Variants in ANGPT1 observed in about 807,000 individuals in gnomAD.
ANGPT1 encodes the protein angiopoietin 1, also known as angiopoietin-1.
Under a neutral mutation model 62.2 loss-of-function variants are expected in ANGPT1, and 17 were observed. The ratio of observed to expected loss-of-function variants is 0.27; its 90% CI spans 0.19 to 0.41. ANGPT1 has a LOEUF of 0.41. Ranked by LOEUF, ANGPT1 falls within the 10% of genes least tolerant of loss-of-function variation. The pLI is 1.00. For missense variants in ANGPT1, 478 were observed against 594.9 expected, an observed-to-expected ratio of 0.80 and a Z score of 2.04; for synonymous variants, 199 against 198.9, an observed-to-expected ratio of 1.00 and a Z score of 0.00.
intron 8 of ANGPT1, among the ~76,000 whole-genome samples, chr8:107,263,144 C>G (rs574427424): frequency 1.3e-5 from 2 of 151,704 alleles, no homozygotes; most frequent in Non-Finnish European, 2.9e-5. Flanking sequence ...ACTTGAGGTC[C>G]GGAGTTCAAG....
At chr8:107,415,113 C>G (rs74928380) in intron 1 of ANGPT1, among the ~76,000 whole-genome samples, 1 of 152,072 alleles carries the variant, frequency 6.6e-6, no homozygotes, top group African/African-American at 2.4e-5. Flanking sequence ...AAAACCAACA[C>G]GATTTAAAGA....
chr8:107,329,261 A>G (rs1414988151), intron 3 of ANGPT1, among the ~76,000 whole-genome samples: 1 of 152,036 alleles, frequency 6.6e-6, no homozygotes, highest in African/African-American at 2.4e-5. Flanking sequence ...CTTAATGATG[A>G]TTCTCTGCTA....
chr8:107,473,371 A>G (rs1042076364), intron 1 of ANGPT1, among the ~76,000 whole-genome samples: 4 of 152,040 alleles, frequency 2.6e-5, no homozygotes, highest in Non-Finnish European at 5.9e-5. Flanking sequence ...GATGAAAAGC[A>G]TTTCACAGTT....
At chr8:107,299,653 C>A (rs111205779) in intron 5 of ANGPT1, among the ~76,000 whole-genome samples, 2 of 133,210 alleles carry the variant, frequency 1.5e-5, no homozygotes, top group African/African-American at 2.7e-5. Flanking sequence ...ATATAAATAT[C>A]TATATATAGA....
chr8:107,494,712 T>C (rs1057472274), intron 1 of ANGPT1: 4 of 152,196 alleles, frequency 2.6e-5, no homozygotes, highest in Non-Finnish European at 4.4e-5. Flanking sequence ...TCCTGTTCAG[T>C]TGCAAGACCA....
intron 3 of ANGPT1, among the ~76,000 whole-genome samples, chr8:107,331,929 A>C (rs1039333367): frequency 6.6e-6 from 1 of 152,176 alleles, no homozygotes; most frequent in African/African-American, 2.4e-5. Context: ...CTGGTGAGAC[A>C]GAAGGGCTCC....
intron 1 of ANGPT1, among the ~76,000 whole-genome samples, chr8:107,348,238 CTA>C (rs1220419251): frequency 2.6e-5 from 4 of 152,164 alleles, no homozygotes; most frequent in Admixed American, 6.5e-5. Context: ...TCATTAACAG[CTA>C]TGTGATTTTT....
chr8:107,359,570 T>A (rs1389999002), intron 1 of ANGPT1, among the ~76,000 whole-genome samples: 1 of 152,180 alleles, frequency 6.6e-6, no homozygotes, highest in East Asian at 1.9e-4. Context: ...CTCCCCCAAC[T>A]TCCTAGCAGC....
At chr8:107,299,742 TATATATCTA>T in intron 5 of ANGPT1, among the ~76,000 whole-genome samples, 1 of 126,800 alleles carries the variant, frequency 7.9e-6, no homozygotes, top group Non-Finnish European at 1.6e-5. Context: ...CTAGATATAC[TATATATCTA>T]GATATGTAGT....
At chr8:107,443,563 C>T (rs936388063) in intron 1 of ANGPT1, among the ~76,000 whole-genome samples, 2 of 151,584 alleles carry the variant, frequency 1.3e-5, no homozygotes, top group African/African-American at 4.9e-5. Flanking sequence ...AATCCCAGCA[C>T]TTTGGGAGGC....
chr8:107,447,612 A>T (rs1206944889), intron 1 of ANGPT1, among the ~76,000 whole-genome samples: 1 of 152,200 alleles, frequency 6.6e-6, no homozygotes, highest in Non-Finnish European at 1.5e-5. Context: ...TCTTGGTAAG[A>T]CATTCTCACA....
At chr8:107,291,426 G>GTTTTA (rs1454993360) in intron 6 of ANGPT1, among the ~76,000 whole-genome samples, 2 of 151,896 alleles carry the variant, frequency 1.3e-5, no homozygotes, top group African/African-American at 2.4e-5. Flanking sequence ...GTTTTGTTTT[G>GTTTTA]TTTTTAGACA....
chr8:107,285,788 G>C (rs932258976), intron 6 of ANGPT1, among the ~76,000 whole-genome samples: 2 of 151,622 alleles, frequency 1.3e-5, no homozygotes, highest in African/African-American at 4.8e-5. Context: ...AATACTCATT[G>C]GCAGTGCTTG....
chr8:107,344,746 A>G (rs1220697121), intron 2 of ANGPT1, among the ~76,000 whole-genome samples: 2 of 152,214 alleles, frequency 1.3e-5, no homozygotes, highest in Non-Finnish European at 2.9e-5. Context: ...AACACTTACC[A>G]CTGTGAAGCC....
intron 1 of ANGPT1, among the ~76,000 whole-genome samples, chr8:107,405,406 C>T (rs908914109): frequency 1.3e-5 from 2 of 151,942 alleles, no homozygotes; most frequent in African/African-American, 2.4e-5. Flanking sequence ...ATCTGAAATG[C>T]TTCAAAATCT....
rs780737876 is a variant in ANGPT1, at chr8:107,251,850, C to A, written c.*5G>T. ...GCTTTCATAATCGCTTCTGACATTG[C>A]GCTTTCAAAAATCTAAAGGTCGAAT... On this transcript the variant is annotated 3_prime_UTR_variant, in exon 9 of 9. Coordinates refer to ENST00000517746, the MANE Select transcript of ANGPT1 (RefSeq NM_001146.5). The A allele has an allele frequency of 2.5e-6, 4 of 1,613,526 alleles. No homozygotes were observed. The highest frequency in any genetic ancestry group is 3.4e-6 in the Non-Finnish European group (4 of 1,179,650).
At chr8:107,337,293 A>G (rs545471815) in intron 2 of ANGPT1, among the ~76,000 whole-genome samples, 1 of 152,328 alleles carries the variant, frequency 6.6e-6, no homozygotes, top group Non-Finnish European at 1.5e-5. Context: ...CCCAGATTGT[A>G]TGAGAGACAG....
intron 1 of ANGPT1, among the ~76,000 whole-genome samples, chr8:107,422,235 G>A (rs1345199134): frequency 1.3e-5 from 2 of 152,094 alleles, no homozygotes; most frequent in African/African-American, 2.4e-5. Context: ...CAGTTACATG[G>A]CAAGCAATCT....
intron 4 of ANGPT1, among the ~76,000 whole-genome samples, chr8:107,311,360 A>G (rs1814859265): frequency 6.6e-6 from 1 of 152,120 alleles, no homozygotes; most frequent in South Asian, 2.1e-4. Flanking sequence ...AATTTTATTC[A>G]ATTTTCTCTT....
Sources: gnomAD v4.1 joint callset for allele counts (sites outside exome capture counted in the v4.1 genomes callset) on GRCh38, gnomAD v4.1.1 for gene constraint, MANE v1.5 for transcripts, NCBI Gene and HGNC (gene_info 2026-07-23, HGNC 2026-07-21) for gene names.